Variants in PKN2 observed in about 807,000 individuals in gnomAD.
PKN2 encodes the protein protein kinase N2.
A neutral mutation model predicts 119.1 loss-of-function variants in PKN2; 38 were observed. The observed-to-expected ratio is 0.32, with a 90% CI of 0.25 to 0.42. The LOEUF is 0.42. PKN2 is among the 10% of genes least tolerant of loss of function. The pLI is 1.00. For synonymous variants in PKN2, 390 were observed against 384.9 expected, an observed-to-expected ratio of 1.01 and a Z score of -0.15; for missense variants, 850 against 1,165.1, an observed-to-expected ratio of 0.73 and a Z score of 3.94.
chr1:88,753,874 A>G (rs1669099074), intron 2 of PKN2, among the ~76,000 whole-genome samples: 1 of 152,082 alleles, frequency 6.6e-6, no homozygotes, highest in South Asian at 2.1e-4. Context: ...GATCCAAACC[A>G]TATCGCAATT....
chr1:88,786,306 A>G, intron 8 of PKN2, 93 bp downstream of exon 8: 2 of 593,944 alleles, frequency 3.4e-6, no homozygotes, highest in South Asian at 2.7e-5. Flanking sequence ...TTGTATTCTT[A>G]ACAAGAATAA....
intron 1 of PKN2, among the ~76,000 whole-genome samples, chr1:88,709,771 C>T (rs1159172147): frequency 6.6e-6 from 1 of 152,052 alleles, no homozygotes; most frequent in Admixed American, 6.6e-5. Flanking sequence ...TTACAAGAAC[C>T]TTAAAAAAAA....
At chr1:88,730,968 A>G (rs539319857) in intron 1 of PKN2, among the ~76,000 whole-genome samples, 1 of 152,362 alleles carries the variant, frequency 6.6e-6, no homozygotes, top group South Asian at 2.1e-4. Flanking sequence ...TCTGTTCAAA[A>G]CAAACAAACA....
chr1:88,831,214 G>T (rs577328988), intron 19 of PKN2, among the ~76,000 whole-genome samples: 2 of 151,878 alleles, frequency 1.3e-5, no homozygotes, highest in East Asian at 3.9e-4. Flanking sequence ...TTAGCTTTCA[G>T]TTGTTAGCCC....
intron 1 of PKN2, among the ~76,000 whole-genome samples, chr1:88,691,375 A>ATAT (rs1197028604): frequency 2.0e-5 from 3 of 152,068 alleles, no homozygotes; most frequent in African/African-American, 7.2e-5. Context: ...TGAGTATCAT[A>ATAT]TATTTTACAC....
chr1:88,784,133 T>G (rs1056640834), intron 6 of PKN2, among the ~76,000 whole-genome samples: 139 of 64,576 alleles, frequency 2.2e-3, no homozygotes, highest in Non-Finnish European at 3.4e-3. Flanking sequence ...ATGCTGTTCC[T>G]TTTTTTTTTT....
chr1:88,698,509 G>T (rs564668031), intron 1 of PKN2, among the ~76,000 whole-genome samples: 3 of 152,338 alleles, frequency 2.0e-5, no homozygotes, highest in African/African-American at 7.2e-5. Context: ...ACTTCGCCAA[G>T]TGCTTTGTTA....
chr1:88,686,783 CTT>C lies in PKN2; in HGVS notation c.48+2156_48+2157del, dbSNP rs1383621857. On this transcript the variant is annotated intron_variant, in intron 1 of 21. Coordinates refer to ENST00000370521, the MANE Select transcript of PKN2 (RefSeq NM_006256.4). ...CTTTTTATTTCATTGGGTCCTGAAA[CTT>C]AGTGTACAGCAACCAAGTATTTATT... is the stretch of plus-strand genomic sequence containing the variant. 2.0e-5 allele frequency among the ~76,000 whole-genome samples: 3 copies of C among 152,070 alleles called. No homozygotes were observed. The East Asian group carries it at 5.8e-4, about 29-fold the overall frequency.
At chr1:88,776,520 A>C (rs952153115) in intron 6 of PKN2, among the ~76,000 whole-genome samples, 1 of 151,776 alleles carries the variant, frequency 6.6e-6, no homozygotes, top group Admixed American at 6.6e-5. Context: ...CGGGTGGATC[A>C]CTTGAGGTCA....
chr1:88,820,924 A>T (rs1411210370), intron 16 of PKN2, among the ~76,000 whole-genome samples: 1 of 152,212 alleles, frequency 6.6e-6, no homozygotes, highest in Non-Finnish European at 1.5e-5. Context: ...GCATTATGCT[A>T]ATGCATTTAG....
intron 1 of PKN2, among the ~76,000 whole-genome samples, chr1:88,724,882 G>GTTTTTTTTTTTTTTTTTTTTTTTTT (rs60507382): frequency 2.8e-5 from 3 of 105,990 alleles, no homozygotes; most frequent in African/African-American, 4.3e-5. Context: ...CCACCCCTTG[G>GTTTTTTTTTTTTTTTTTTTTTTTTT]TTTTTTTTTT....
chr1:88,768,986 C>A (rs938410156), intron 3 of PKN2, among the ~76,000 whole-genome samples: 1 of 152,120 alleles, frequency 6.6e-6, no homozygotes, highest in African/African-American at 2.4e-5. Context: ...CTCTTTTGAA[C>A]AAACAGCTCA....
intron 1 of PKN2, among the ~76,000 whole-genome samples, chr1:88,714,893 G>A (rs1667382599): frequency 6.6e-6 from 1 of 152,146 alleles, no homozygotes; most frequent in Non-Finnish European, 1.5e-5. Flanking sequence ...CATTCAGTAT[G>A]ATATTGGCTG....
chr1:88,798,013 A>T (rs1671161982), intron 8 of PKN2, among the ~76,000 whole-genome samples: 1 of 152,164 alleles, frequency 6.6e-6, no homozygotes, highest in Admixed American at 6.5e-5. Context: ...TTTTAAGAAG[A>T]ATTTTTAAAA....
chr1:88,787,739 A>G (rs1199884448), intron 8 of PKN2, among the ~76,000 whole-genome samples: 1 of 152,184 alleles, frequency 6.6e-6, no homozygotes. Flanking sequence ...GGCATCAGGC[A>G]TTTTTCCCAC....
intron 10 of PKN2, 45 bp downstream of exon 10, chr1:88,804,966 A>G: frequency 1.1e-6 from 1 of 925,868 alleles, no homozygotes; most frequent in South Asian, 1.5e-5. Flanking sequence ...TATTTTCTTA[A>G]ACAATCTAAT....
rs1340765745 is a variant in PKN2, at chr1:88,813,585, A to G, written c.2131A>G (p.Thr711Ala). Residue 711 changes from threonine (T) to alanine (A), a missense_variant, in exon 16 of 22, where the codon ACT (threonine) becomes GCT (alanine). Physicochemically the swap from Thr to Ala is moderately conservative, Grantham distance 58. This residue lies in a region of PKN2 where 216 missense variants were observed against 252.8 expected (regional missense o/e 0.85). Transcript: ENST00000370521. ...GATGTGTGAAAAAAGAATTTTTGAA[A>G]CTGTGAATAGTGTAAGGCATCCCTT... ...SLMCEKRIFE[T>A]VNSVRHPFLV... The G allele has an allele frequency of 6.3e-7, 1 of 1,594,134 alleles. No individual in the cohort carries two copies. The highest frequency in any genetic ancestry group is 1.8e-5 in the Admixed American group (1 of 56,294).
intron 1 of PKN2, among the ~76,000 whole-genome samples, chr1:88,715,933 T>C (rs1667431602): frequency 1.3e-5 from 2 of 152,248 alleles, no homozygotes; most frequent in African/African-American, 4.8e-5. Context: ...GGGCATTTAG[T>C]GCTATAAATT....
intron 12 of PKN2, 76 bp downstream of exon 12, chr1:88,806,093 G>A (rs936996208): frequency 3.0e-5 from 37 of 1,229,510 alleles, no homozygotes; most frequent in Admixed American, 5.8e-5. Flanking sequence ...TGAATAAGGC[G>A]TGTCTTTCCA....
Sources: allele counts gnomAD v4.1 joint callset (sites outside exome capture counted in the v4.1 genomes callset), GRCh38; gene constraint gnomAD v4.1.1; regional missense constraint gnomAD v4.1.1; transcripts MANE v1.5; gene names NCBI Gene and HGNC (gene_info 2026-07-23, HGNC 2026-07-21).